Variants in SMIM13 observed in about 807,000 individuals in gnomAD.
The protein encoded by SMIM13 is UPF0766 protein C6orf228.
Under a neutral mutation model 5.9 loss-of-function variants are expected in SMIM13, and 3 were observed. The observed-to-expected ratio is 0.51, with a 90% confidence interval of 0.23 to 1.31. The LOEUF is 1.31. Among genes scored for constraint, SMIM13 ranks in the 40% most tolerant of loss-of-function variants. The pLI is 0.18. For synonymous variants in SMIM13, 55 were observed against 46.0 expected, an observed-to-expected ratio of 1.19 and a Z score of -0.79; for missense variants, 85 against 109.9, an observed-to-expected ratio of 0.77 and a Z score of 1.01.
At chr6:11,115,687 CTT>C (rs138602431) in intron 1 of SMIM13, among the ~76,000 whole-genome samples, 21 of 140,244 alleles carry the variant, frequency 1.5e-4, no homozygotes, top group East Asian at 2.1e-4. Flanking sequence ...TTTTTCTTTT[CTT>C]TTTTTTTTTT....
At chr6:11,097,701 C>T (rs1332695099) in intron 1 of SMIM13, among the ~76,000 whole-genome samples, 1 of 151,822 alleles carries the variant, frequency 6.6e-6, no homozygotes, top group Non-Finnish European at 1.5e-5. Flanking sequence ...CTCCAAATAC[C>T]GTACAGTCAC....
chr6:11,123,851 A>G (rs1049517764), intron 1 of SMIM13, among the ~76,000 whole-genome samples: 3 of 152,212 alleles, frequency 2.0e-5, no homozygotes, highest in African/African-American at 7.2e-5. Context: ...GAAATATACA[A>G]TACATTATTG....
intron 1 of SMIM13, among the ~76,000 whole-genome samples, chr6:11,107,813 C>T (rs1758109296): frequency 6.6e-6 from 1 of 152,024 alleles, no homozygotes; most frequent in South Asian, 2.1e-4. Flanking sequence ...ATTAATAATC[C>T]ATGTTTTTGA....
Position 11,097,143 on chromosome 6 carries a change from G to A in SMIM13, c.76+2754G>A, listed in dbSNP as rs147562825. ...ATGAGCCACCCATGCCCAGCCAAAC[G>A]CATTTATTTTTTTACAGCTCTGGAA... On this transcript the variant is annotated intron_variant, in intron 1 of 1. Transcript: ENST00000416247. Among the ~76,000 whole-genome samples, 765 of 152,088 alleles carry A rather than the reference G, an allele frequency of 5.0e-3. 1 individual carries two copies. The highest frequency in any genetic ancestry group is 0.024 in the South Asian group (116 of 4,816).
intron 1 of SMIM13, among the ~76,000 whole-genome samples, chr6:11,131,919 G>A (rs1320842343): frequency 2.0e-5 from 3 of 152,182 alleles, no homozygotes; most frequent in South Asian, 2.1e-4. Context: ...AAAATGATGC[G>A]TTAGGCTTCC....
At chr6:11,104,130 G>A in intron 1 of SMIM13, 1 of 1,551,742 alleles carries the variant, frequency 6.4e-7, no homozygotes, top group Non-Finnish European at 8.7e-7. Context: ...TTTAGCCATG[G>A]TGTCAATGTT....
intron 1 of SMIM13, among the ~76,000 whole-genome samples, chr6:11,113,535 A>G (rs1758197629): frequency 1.3e-5 from 2 of 151,916 alleles, no homozygotes; most frequent in Non-Finnish European, 2.9e-5. Context: ...TTTTTATCAG[A>G]TATGTTTTGC....
intron 1 of SMIM13, among the ~76,000 whole-genome samples, chr6:11,109,284 A>G (rs560951345): frequency 6.6e-6 from 1 of 152,284 alleles, no homozygotes; most frequent in East Asian, 1.9e-4. Context: ...CCCTAGTTCC[A>G]TTTTAATTTG....
Position 11,134,749 on chromosome 6 carries a change from A to G in SMIM13, c.*147A>G. On this transcript the variant is annotated 3_prime_UTR_variant, in exon 2 of 2. Transcript: ENST00000416247. ...ATTTACATGTAAGCCATATAAAAAT[A>G]AAGGGAACTGAAACCAAATTGGACT... 3.2e-6 allele frequency: 2 copies of G among 628,790 alleles called. No individual in the cohort carries two copies. The highest frequency in any genetic ancestry group is 7.7e-5 in the Admixed American group (2 of 26,016). The allele number at this position is 628,790 out of a possible 1,614,324, so 39.0% of individuals were successfully genotyped here. A position where few individuals can be genotyped will look rare whatever the true frequency, so the allele number is the denominator to read the frequency against.
chr6:11,105,569 G>T, intron 1 of SMIM13: 1 of 422,252 alleles, frequency 2.4e-6, no homozygotes. Flanking sequence ...GAGTTTAAGG[G>T]CTTTTCCACA....
chr6:11,104,282 G>A (rs1437610423), intron 1 of SMIM13: 1 of 1,551,718 alleles, frequency 6.4e-7, no homozygotes. Flanking sequence ...TGGGCAACGG[G>A]GAATTCCCAT....
intron 1 of SMIM13, among the ~76,000 whole-genome samples, chr6:11,098,126 A>T (rs1191590828): frequency 6.6e-6 from 1 of 152,140 alleles, no homozygotes; most frequent in Non-Finnish European, 1.5e-5. Context: ...TGTCCCTAGG[A>T]ATTTATGTAG....
At chr6:11,103,461 C>T (rs1758029011) in intron 1 of SMIM13, 1 of 555,762 alleles carries the variant, frequency 1.8e-6, no homozygotes, top group South Asian at 4.4e-5. Flanking sequence ...TTCCCCCCCT[C>T]AAGAGTCCAA....
chr6:11,102,247 G>T (rs1486784593), intron 1 of SMIM13, among the ~76,000 whole-genome samples: 1 of 151,926 alleles, frequency 6.6e-6, no homozygotes, highest in Non-Finnish European at 1.5e-5. Context: ...CAGTACAGGT[G>T]GATATATATG....
chr6:11,120,308 G>T (rs547234548), intron 1 of SMIM13, among the ~76,000 whole-genome samples: 2 of 152,284 alleles, frequency 1.3e-5, no homozygotes, highest in Admixed American at 6.5e-5. Context: ...AACAACGGAA[G>T]TTTATTTCTC....
At position 11,135,481 on chromosome 6, in the gene SMIM13, C is replaced by T. The variant is rs878979698; in HGVS notation, c.*879C>T. 2 of 152,568 alleles carry T rather than the reference C, an allele frequency of 1.3e-5. No homozygotes were observed. The highest frequency in any genetic ancestry group is 1.9e-4 in the East Asian group (1 of 5,190). The allele number at this position is 152,568 out of a possible 1,614,324, so 9.5% of individuals were successfully genotyped here. A position where few individuals can be genotyped will look rare whatever the true frequency, so the allele number is the denominator to read the frequency against. ...AGGCTGGTGTGACCGATTCATGCGT[C>T]GAGCAGGACTATCATTAAGGCATCA... On this transcript the variant is annotated 3_prime_UTR_variant, in exon 2 of 2. Transcript: ENST00000416247.
Position 11,105,045 on chromosome 6 carries a change from G to C in SMIM13, c.76+10656G>C, listed in dbSNP as rs758079525. ...CTTTACTGTTGAAAGAAGACTATTT[G>C]CAGGCCTCATCAGTCCTTTCAGATT... On this transcript the variant is annotated intron_variant, in intron 1 of 1. Coordinates refer to ENST00000416247, the MANE Select transcript of SMIM13 (RefSeq NM_001135575.2). 6 of 1,614,180 alleles carry C rather than the reference G, an allele frequency of 3.7e-6. No individual in the cohort carries two copies. The South Asian group carries it at 6.6e-5, about 18-fold the overall frequency.
chr6:11,093,864 C>T lies in SMIM13; in HGVS notation c.-450C>T, dbSNP rs1252078423. On this transcript the variant is annotated 5_prime_UTR_variant, in exon 1 of 2. In the 5' UTR this introduces an upstream ATG that the reference lacks. Coordinates refer to ENST00000416247, the MANE Select transcript of SMIM13 (RefSeq NM_001135575.2). ...AGCCGCTACAGCCGCGGCCGGGCGACGCTGACATCTGGCATCCCTGGGGTC... is the reference window on the plus strand; with the variant it reads ...AGCCGCTACAGCCGCGGCCGGGCGATGCTGACATCTGGCATCCCTGGGGTC... Among the ~76,000 whole-genome samples, 1 of 152,244 alleles carries T rather than the reference C, an allele frequency of 6.6e-6. No individual in the cohort carries two copies. Among genetic ancestry groups the T allele is most frequent in the Non-Finnish European group, 1.5e-5 (1 of 68,042 alleles).
chr6:11,104,512 G>C lies in SMIM13; in HGVS notation c.76+10123G>C, dbSNP rs749572811. ...AATTCTGAGACTGCTGATATGCCCA[G>C]GTAGCTGGTGGCTATAGTCATGCCT... On this transcript the variant is annotated intron_variant, in intron 1 of 1. Transcript: ENST00000416247. The C allele has an allele frequency of 2.0e-5, 32 of 1,562,622 alleles. 1 individual carries two copies. In the South Asian group the frequency reaches 3.6e-4, roughly 18 times the overall value.
Sources: allele counts gnomAD v4.1 joint callset (sites outside exome capture counted in the v4.1 genomes callset), GRCh38; gene constraint gnomAD v4.1.1; transcripts MANE v1.5; gene names NCBI Gene and HGNC (gene_info 2026-07-23, HGNC 2026-07-21).